Variants in ADGRL2 observed in about 807,000 individuals in gnomAD.
The protein encoded by ADGRL2 is calcium-independent alpha-latrotoxin receptor 2.
A neutral mutation model predicts 157.4 loss-of-function variants in ADGRL2; 44 were observed. That is an observed-to-expected ratio of 0.28 (90% CI 0.22 to 0.36). The LOEUF is 0.36. Ranked by LOEUF, ADGRL2 falls within the 10% of genes least tolerant of loss-of-function variation. ADGRL2 has a pLI of 1.00. For synonymous variants in ADGRL2, 585 were observed against 624.7 expected (o/e 0.94, Z 0.95); for missense variants, 1,510 against 1,768.9 (o/e 0.85, Z 2.63).
chr1:81,490,225 T>G (rs57458970), intron 2 of ADGRL2, among the ~76,000 whole-genome samples: 22,081 of 151,642 alleles, frequency 0.15, 2,969 homozygotes, highest in African/African-American at 0.36. Flanking sequence ...TCCACCTCCT[T>G]GGTTCAGGCA....
intron 4 of ADGRL2, among the ~76,000 whole-genome samples, chr1:81,941,485 A>G (rs953780471): frequency 6.6e-6 from 1 of 151,754 alleles, no homozygotes; most frequent in Non-Finnish European, 1.5e-5. Context: ...GTAAATATCT[A>G]TGAAAAACAT....
At chr1:81,596,478 G>C (rs17106766) in intron 3 of ADGRL2, 1 of 448,864 alleles carries the variant, frequency 2.2e-6, no homozygotes, top group African/African-American at 2.0e-5. Context: ...CGGCTCCAAG[G>C]GTGTTTTTCC....
chr1:81,935,699 G>T lies in ADGRL2; in HGVS notation c.288-1029G>T, dbSNP rs567595389. 1.4e-4 allele frequency among the ~76,000 whole-genome samples: 22 copies of T among 151,886 alleles called. No individual in the cohort carries two copies. The East Asian group carries it at 4.3e-3, about 29-fold the overall frequency. On this transcript the variant is annotated intron_variant, in intron 3 of 23. Coordinates refer to ENST00000686636, the MANE Select transcript of ADGRL2 (RefSeq NM_001366006.2). ...TGCTTGATTTGCCTTCTTAATGTAT[G>T]TGCTATCAGAAAATACAATAAAAAC...
At chr1:81,537,474 C>T (rs1378186565) in intron 2 of ADGRL2, among the ~76,000 whole-genome samples, 4 of 151,424 alleles carry the variant, frequency 2.6e-5, no homozygotes, top group East Asian at 2.0e-4. Context: ...TTAGTAGAGG[C>T]GGGGTTTCTC....
chr1:81,946,935 A>G lies in ADGRL2; in HGVS notation c.1210+3166A>G, dbSNP rs559752467. On this transcript the variant is annotated intron_variant, in intron 6 of 23. Transcript: ENST00000686636. Reference sequence around the variant, plus strand: ...ATGTCTGTTGTCTTCAAACCCTTTCATGGAGGAAAACCCTGGTAATCAATA... The same window carrying G: ...ATGTCTGTTGTCTTCAAACCCTTTCGTGGAGGAAAACCCTGGTAATCAATA... 7.9e-5 allele frequency among the ~76,000 whole-genome samples: 12 copies of G among 152,268 alleles called. No individual in the cohort carries two copies. In the South Asian group the frequency reaches 2.5e-3, roughly 32 times the overall value.
intron 1 of ADGRL2, among the ~76,000 whole-genome samples, chr1:81,361,044 T>C (rs1570723842): frequency 6.6e-6 from 1 of 152,008 alleles, no homozygotes; most frequent in East Asian, 1.9e-4. Flanking sequence ...AATCTTGCAC[T>C]GTTGGGCAAT....
chr1:81,984,543 T>C (rs1662598801), intron 19 of ADGRL2, 40 bp from the exon 20 acceptor site: 1 of 1,492,698 alleles, frequency 6.7e-7, no homozygotes, highest in Non-Finnish European at 9.1e-7. Context: ...GAAGCAAGTG[T>C]GTTATATTAA....
chr1:81,566,267 A>T (rs2080560282), intron 2 of ADGRL2, among the ~76,000 whole-genome samples: 1 of 152,150 alleles, frequency 6.6e-6, no homozygotes, highest in South Asian at 2.1e-4. Flanking sequence ...TTTGTCCACC[A>T]CATAGTTTTA....
chr1:81,908,156 C>CT (rs1193153224), intron 3 of ADGRL2, among the ~76,000 whole-genome samples: 2 of 152,166 alleles, frequency 1.3e-5, no homozygotes, highest in African/African-American at 4.8e-5. Context: ...ACCTTATAGT[C>CT]TAAGTGTGTA....
At chr1:81,553,651 A>G (rs996839511) in intron 2 of ADGRL2, among the ~76,000 whole-genome samples, 1 of 152,198 alleles carries the variant, frequency 6.6e-6, no homozygotes, top group African/African-American at 2.4e-5. Flanking sequence ...TTCAGCCAAA[A>G]AAAGACCATA....
At chr1:81,761,643 CTCT>C (rs1485645464) in intron 1 of ADGRL2, among the ~76,000 whole-genome samples, 2 of 151,962 alleles carry the variant, frequency 1.3e-5, no homozygotes, top group Non-Finnish European at 2.9e-5. Context: ...CTTATGGTAG[CTCT>C]GTTCATAGTC....
intron 3 of ADGRL2, among the ~76,000 whole-genome samples, chr1:81,621,766 T>A (rs1198614554): frequency 1.3e-5 from 2 of 152,208 alleles, no homozygotes; most frequent in Admixed American, 1.3e-4. Flanking sequence ...TGCCTCTATA[T>A]TTTAATCCTC....
Position 81,891,168 on chromosome 1 carries a change from T to C in ADGRL2, c.74-15849T>C, listed in dbSNP as rs143679820. On this transcript the variant is annotated intron_variant, in intron 2 of 23. Transcript: ENST00000686636. ...CCCAAATCACTAAATATTATTATAGTATTATTTCTAATATTTATTTTTACT... is the reference window on the plus strand; with the variant it reads ...CCCAAATCACTAAATATTATTATAGCATTATTTCTAATATTTATTTTTACT... 5.6e-3 allele frequency among the ~76,000 whole-genome samples: 854 copies of C among 151,820 alleles called. 7 individuals are homozygous for C. Among genetic ancestry groups the C allele is most frequent in the African/African-American group, 0.019 (787 of 41,528 alleles).
At chr1:81,607,167 C>T (rs778370855) in intron 3 of ADGRL2, among the ~76,000 whole-genome samples, 27 of 152,228 alleles carry the variant, frequency 1.8e-4, no homozygotes, top group Non-Finnish European at 3.5e-4. Context: ...TGTTAGTATA[C>T]ATATGGCATA....
At chr1:81,902,912 ATGGATG>A (rs1253520506) in intron 2 of ADGRL2, among the ~76,000 whole-genome samples, 3 of 152,212 alleles carry the variant, frequency 2.0e-5, no homozygotes, top group African/African-American at 7.2e-5. Context: ...CACAATCTAT[ATGGATG>A]TGCACAGCAC....
intron 3 of ADGRL2, among the ~76,000 whole-genome samples, chr1:81,642,401 C>T (rs1244819415): frequency 1.4e-5 from 2 of 145,818 alleles, no homozygotes; most frequent in Non-Finnish European, 3.0e-5. Flanking sequence ...GCCTGAGTGA[C>T]AGAGCAAGAC....
chr1:81,926,227 G>A (rs1420264298), intron 3 of ADGRL2, among the ~76,000 whole-genome samples: 3 of 151,962 alleles, frequency 2.0e-5, no homozygotes, highest in South Asian at 2.1e-4. Flanking sequence ...TATGAAAATC[G>A]AAATGCTTGG....
chr1:81,319,303 G>A (rs1183983542), intron 1 of ADGRL2, among the ~76,000 whole-genome samples: 2 of 152,008 alleles, frequency 1.3e-5, no homozygotes, highest in Admixed American at 6.6e-5. Flanking sequence ...GAATTTTAAA[G>A]CAAATTCCAG....
chr1:81,364,718 G>A (rs34130109), intron 1 of ADGRL2, among the ~76,000 whole-genome samples: 19,989 of 146,916 alleles, frequency 0.14, 1,615 homozygotes, highest in East Asian at 0.21. Flanking sequence ...TTTTTTTTTC[G>A]AGACAGAGTC....
Sources: allele counts gnomAD v4.1 joint callset (sites outside exome capture counted in the v4.1 genomes callset), GRCh38; gene constraint gnomAD v4.1.1; transcripts MANE v1.5; gene names NCBI Gene and HGNC (gene_info 2026-07-23, HGNC 2026-07-21).